Variants in TMPRSS11D observed in about 807,000 individuals in gnomAD.
The protein encoded by TMPRSS11D is transmembrane protease serine 11D.
Under a neutral mutation model 44.4 loss-of-function variants are expected in TMPRSS11D, and 32 were observed. The ratio of observed to expected loss-of-function variants is 0.72; its 90% confidence interval spans 0.54 to 0.97. The LOEUF (loss-of-function observed/expected upper bound fraction) is 0.97, where lower values mean the gene tolerates loss of function less well. TMPRSS11D is among the 50% of genes least tolerant of loss of function. The pLI is 0.00. For missense variants in TMPRSS11D, 446 were observed against 502.6 expected (o/e 0.89, Z 1.08); for synonymous variants, 179 against 177.9 (o/e 1.01, Z -0.05).
chr4:67,852,493 C>T (rs1297105883), intron 3 of TMPRSS11D, among the ~76,000 whole-genome samples: 1 of 152,162 alleles, frequency 6.6e-6, no homozygotes, highest in African/African-American at 2.4e-5. Context: ...TCGAAAACCA[C>T]TGAGCTAATG....
intron 2 of TMPRSS11D, among the ~76,000 whole-genome samples, chr4:67,855,363 C>A (rs761963443): frequency 2.5e-4 from 38 of 151,902 alleles, no homozygotes; most frequent in Non-Finnish European, 4.7e-4. Context: ...AGATAATATA[C>A]CACAATCAAC....
chr4:67,862,282 A>G (rs1206816756), intron 1 of TMPRSS11D, among the ~76,000 whole-genome samples: 1 of 152,134 alleles, frequency 6.6e-6, no homozygotes, highest in Non-Finnish European at 1.5e-5. Flanking sequence ...TTTTAAATAT[A>G]GGAAAGGTGA....
chr4:67,872,761 T>G (rs2109701159), intron 1 of TMPRSS11D, among the ~76,000 whole-genome samples: 1 of 152,318 alleles, frequency 6.6e-6, no homozygotes, highest in East Asian at 1.9e-4. Flanking sequence ...CAGTTCAGGT[T>G]TCAATGCTAT....
At chr4:67,865,500 T>C (rs988666308) in intron 1 of TMPRSS11D, among the ~76,000 whole-genome samples, 10 of 151,566 alleles carry the variant, frequency 6.6e-5, no homozygotes, top group African/African-American at 2.2e-4. Flanking sequence ...CTAAATAAAA[T>C]TTAGACCAAA....
At chr4:67,881,753 G>T (rs529983631) in intron 1 of TMPRSS11D, among the ~76,000 whole-genome samples, 1 of 152,076 alleles carries the variant, frequency 6.6e-6, no homozygotes, top group Non-Finnish European at 1.5e-5. Context: ...ATTGTCTTTG[G>T]CATGTCTCTG....
chr4:67,836,642 A>T (rs1718097463), intron 5 of TMPRSS11D, among the ~76,000 whole-genome samples: 1 of 152,048 alleles, frequency 6.6e-6, no homozygotes, highest in Admixed American at 6.6e-5. Flanking sequence ...TCTAAGGGGG[A>T]CAATAAAACT....
At chr4:67,843,672 C>T (rs1718288549) in intron 3 of TMPRSS11D, among the ~76,000 whole-genome samples, 1 of 152,160 alleles carries the variant, frequency 6.6e-6, no homozygotes, top group African/African-American at 2.4e-5. Flanking sequence ...GCCTGTAATC[C>T]CAGCACTTTG....
intron 4 of TMPRSS11D, among the ~76,000 whole-genome samples, chr4:67,841,435 C>T (rs191058716): frequency 5.9e-5 from 9 of 152,278 alleles, no homozygotes; most frequent in African/African-American, 2.2e-4. Context: ...GACAGGCCAA[C>T]AGGACCAAAT....
chr4:67,866,748 A>G (rs1399263583), intron 1 of TMPRSS11D, among the ~76,000 whole-genome samples: 3 of 152,040 alleles, frequency 2.0e-5, no homozygotes, highest in Admixed American at 2.0e-4. Flanking sequence ...AGATTAAAAA[A>G]TAAAATATAT....
intron 3 of TMPRSS11D, among the ~76,000 whole-genome samples, chr4:67,846,270 A>G (rs1718354768): frequency 6.6e-6 from 1 of 152,086 alleles, no homozygotes; most frequent in South Asian, 2.1e-4. Flanking sequence ...TTACTTATAA[A>G]TTATATACAT....
chr4:67,869,950 T>A (rs1429607192), intron 1 of TMPRSS11D, among the ~76,000 whole-genome samples: 1 of 152,140 alleles, frequency 6.6e-6, no homozygotes, highest in Non-Finnish European at 1.5e-5. Context: ...GCTCCTTTTT[T>A]TAGCAAACAC....
intron 3 of TMPRSS11D, among the ~76,000 whole-genome samples, chr4:67,847,794 G>T (rs1163231889): frequency 6.6e-6 from 1 of 152,094 alleles, no homozygotes; most frequent in African/African-American, 2.4e-5. Context: ...CATGTAAAAT[G>T]ACCTTTGAGT....
intron 4 of TMPRSS11D, 59 bp downstream of exon 4, chr4:67,842,499 A>C (rs192156069): frequency 1.4e-6 from 2 of 1,412,428 alleles, no homozygotes; most frequent in Admixed American, 3.4e-5. Flanking sequence ...TCTGTGACAA[A>C]AAGTCAAGTA....
Position 67,822,306 on chromosome 4 carries a change from C to G in TMPRSS11D, c.*31G>C, listed in dbSNP as rs1199650064. The G allele has an allele frequency of 1.2e-6, 2 of 1,609,352 alleles. No individual in the cohort carries two copies. The highest frequency in any genetic ancestry group is 1.7e-6 in the Non-Finnish European group (2 of 1,176,410). ...AATTTAAGACAGGCACACCTGCATA[C>G]AGACTTTGCAACAGGGATGCACTTG... On this transcript the variant is annotated 3_prime_UTR_variant, in exon 10 of 10. Coordinates refer to ENST00000283916, the MANE Select transcript of TMPRSS11D (RefSeq NM_004262.3).
At chr4:67,870,326 A>G (rs1013733860) in intron 1 of TMPRSS11D, among the ~76,000 whole-genome samples, 1 of 152,056 alleles carries the variant, frequency 6.6e-6, no homozygotes, top group Non-Finnish European at 1.5e-5. Context: ...TCCATATCCT[A>G]TTCCAGACAT....
intron 3 of TMPRSS11D, among the ~76,000 whole-genome samples, chr4:67,849,400 G>T (rs1718440046): frequency 6.6e-6 from 1 of 152,176 alleles, no homozygotes; most frequent in African/African-American, 2.4e-5. Context: ...GAAGTAATGG[G>T]CATGTATGTA....
chr4:67,824,141 T>G (rs1340375541), intron 9 of TMPRSS11D, among the ~76,000 whole-genome samples: 14 of 139,922 alleles, frequency 1.0e-4, no homozygotes, highest in Admixed American at 2.1e-4. Flanking sequence ...TGCTGTGTTT[T>G]TTTTTTTTTT....
At chr4:67,829,180 G>T (rs1396487070) in intron 7 of TMPRSS11D, among the ~76,000 whole-genome samples, 1 of 151,904 alleles carries the variant, frequency 6.6e-6, no homozygotes, top group East Asian at 1.9e-4. Flanking sequence ...AAAAAGTAAT[G>T]TAAAAAAGAC....
chr4:67,845,582 C>A (rs1380081975), intron 3 of TMPRSS11D, among the ~76,000 whole-genome samples: 1 of 151,956 alleles, frequency 6.6e-6, no homozygotes, highest in East Asian at 1.9e-4. Flanking sequence ...TAGCCTTTTC[C>A]CTCCCTCTAC....
Sources: gnomAD v4.1 joint callset for allele counts (sites outside exome capture counted in the v4.1 genomes callset) on GRCh38, gnomAD v4.1.1 for gene constraint, MANE v1.5 for transcripts, NCBI Gene and HGNC (gene_info 2026-07-23, HGNC 2026-07-21) for gene names.